The following NKAIN2 variants were observed in gnomAD, a reference collection of about 807,000 sequenced individuals.
The protein encoded by NKAIN2 is sodium/potassium-transporting ATPase subunit beta-1-interacting protein 2.
NKAIN2 carries 14 observed loss-of-function variants against 32.6 expected under a neutral mutation model. The ratio of observed to expected loss-of-function variants is 0.43; its 90% confidence interval spans 0.28 to 0.67. The LOEUF (loss-of-function observed/expected upper bound fraction) is 0.67. NKAIN2 is among the 30% of genes least tolerant of loss of function. The probability of loss-of-function intolerance (pLI) is 0.17; values close to 1 mark genes in which losing one functional copy is unlikely to be tolerated. For synonymous variants in NKAIN2, 80 were observed against 87.2 expected (o/e 0.92, Z 0.46); for missense variants, 198 against 258.3 (o/e 0.77, Z 1.60).
chr6:123,936,750 C>T (rs1338144694), intron 1 of NKAIN2, among the ~76,000 whole-genome samples: 1 of 151,994 alleles, frequency 6.6e-6, no homozygotes, highest in Non-Finnish European at 1.5e-5. Flanking sequence ...TATGATTTAC[C>T]TCCACAAATT....
intron 2 of NKAIN2, among the ~76,000 whole-genome samples, chr6:124,334,879 T>A (rs912398981): frequency 6.6e-6 from 1 of 152,224 alleles, no homozygotes; most frequent in African/African-American, 2.4e-5. Flanking sequence ...CAAAGTTAGT[T>A]GAGCCCACGC....
intron 1 of NKAIN2, among the ~76,000 whole-genome samples, chr6:124,150,893 GA>G (rs1787682273): frequency 6.6e-6 from 1 of 152,070 alleles, no homozygotes; most frequent in African/African-American, 2.4e-5. Flanking sequence ...ATATTTGTCT[GA>G]ATATATGTAT....
At chr6:124,240,242 G>A (rs530464294) in intron 1 of NKAIN2, among the ~76,000 whole-genome samples, 19 of 152,226 alleles carry the variant, frequency 1.2e-4, no homozygotes, top group African/African-American at 4.1e-4. Context: ...CTAAAATTGA[G>A]GCAGTAATTA....
intron 1 of NKAIN2, among the ~76,000 whole-genome samples, chr6:124,024,144 A>G (rs537008939): frequency 3.5e-4 from 53 of 152,156 alleles, no homozygotes; most frequent in Non-Finnish European, 6.0e-4. Flanking sequence ...TGTACAAGAA[A>G]AAAGAAATAA....
chr6:124,182,010 A>G (rs997316023), intron 1 of NKAIN2, among the ~76,000 whole-genome samples: 2 of 152,326 alleles, frequency 1.3e-5, no homozygotes, highest in South Asian at 2.1e-4. Context: ...AAAGACATAC[A>G]TGAGAGTGGG....
At chr6:123,909,729 C>T (rs1486217145) in intron 1 of NKAIN2, among the ~76,000 whole-genome samples, 1 of 152,106 alleles carries the variant, frequency 6.6e-6, no homozygotes, top group Non-Finnish European at 1.5e-5. Context: ...GAAATATGAA[C>T]AGGACTTTTA....
At chr6:124,558,177 AAGGCC>A (rs1780548140) in intron 3 of NKAIN2, among the ~76,000 whole-genome samples, 1 of 152,220 alleles carries the variant, frequency 6.6e-6, no homozygotes, top group Admixed American at 6.5e-5. Context: ...TTATTTTAAA[AAGGCC>A]AGACAGAATG....
In NKAIN2 at chr6:123,998,743, CTGTGTG is replaced by C. The variant is rs34410164; in HGVS notation, c.54+194518_54+194523del. On this transcript the variant is annotated intron_variant, in intron 1 of 6. Transcript: ENST00000368417. ...GAAATTGTTGTTTCTCTCTCTCTCT[CTGTGTG>C]TGTGTGTGTGTGTGTGTGTGTGTGT... Among the ~76,000 whole-genome samples the C allele has an allele frequency of 4.8e-3, 650 of 134,232 alleles. 2 individuals carry two copies. Among genetic ancestry groups the C allele is most frequent in the Non-Finnish European group, 7.9e-3 (506 of 63,974 alleles). The allele number at this position is 134,232 out of a possible 152,430, so 88.1% of individuals were successfully genotyped here. A position where few individuals can be genotyped will look rare whatever the true frequency, so the allele number is the denominator to read the frequency against.
intron 4 of NKAIN2, among the ~76,000 whole-genome samples, chr6:124,786,181 C>A (rs551882418): frequency 9.9e-5 from 15 of 152,138 alleles, no homozygotes; most frequent in Admixed American, 5.2e-4. Flanking sequence ...TCTTCAGCTC[C>A]AAGTAAGTCT....
At chr6:124,418,729 T>C (rs994833237) in intron 3 of NKAIN2, among the ~76,000 whole-genome samples, 3 of 151,512 alleles carry the variant, frequency 2.0e-5, no homozygotes, top group South Asian at 2.1e-4. Flanking sequence ...TAATGAGGTA[T>C]TGTGTTTCTT....
intron 4 of NKAIN2, among the ~76,000 whole-genome samples, chr6:124,763,719 G>A (rs1317115971): frequency 6.6e-6 from 1 of 152,050 alleles, no homozygotes; most frequent in African/African-American, 2.4e-5. Context: ...AGTATATAAG[G>A]TAATAAATAT....
intron 1 of NKAIN2, among the ~76,000 whole-genome samples, chr6:123,869,609 A>G (rs1772762643): frequency 6.6e-6 from 1 of 152,238 alleles, no homozygotes; most frequent in Non-Finnish European, 1.5e-5. Flanking sequence ...AAGTCATTCA[A>G]TTGGATTCAT....
intron 1 of NKAIN2, among the ~76,000 whole-genome samples, chr6:124,226,825 T>G (rs1792137859): frequency 6.6e-6 from 1 of 152,116 alleles, no homozygotes; most frequent in East Asian, 1.9e-4. Flanking sequence ...AGGAGGTGTT[T>G]AGGGAAGTAT....
At chr6:124,786,318 G>T (rs1375724515) in intron 4 of NKAIN2, among the ~76,000 whole-genome samples, 2 of 152,062 alleles carry the variant, frequency 1.3e-5, no homozygotes, top group Admixed American at 6.6e-5. Flanking sequence ...AGAGTTTTTA[G>T]TTATACTTAA....
chr6:124,730,819 A>T (rs1583749276), intron 4 of NKAIN2, among the ~76,000 whole-genome samples: 1 of 151,406 alleles, frequency 6.6e-6, no homozygotes, highest in Non-Finnish European at 1.5e-5. Flanking sequence ...CATCTGACAA[A>T]GGGCTAATAT....
At chr6:124,701,153 G>GCACA (rs60670238) in intron 4 of NKAIN2, among the ~76,000 whole-genome samples, 2,239 of 132,008 alleles carry the variant, frequency 0.017, 22 homozygotes, top group African/African-American at 0.031. Flanking sequence ...ACACACACAC[G>GCACA]CACACACACA....
intron 1 of NKAIN2, among the ~76,000 whole-genome samples, chr6:123,882,966 T>G (rs73551345): frequency 0.026 from 3,871 of 149,526 alleles, 168 homozygotes; most frequent in African/African-American, 0.088. Context: ...TGGTCTGGGG[T>G]GTGTGTGTGT....
At chr6:123,966,287 C>A (rs1377077178) in intron 1 of NKAIN2, among the ~76,000 whole-genome samples, 1 of 152,170 alleles carries the variant, frequency 6.6e-6, no homozygotes, top group Non-Finnish European at 1.5e-5. Context: ...CTTCTGTCAA[C>A]CTTGCCTTCC....
At chr6:124,339,107 C>T (rs1798004115) in intron 2 of NKAIN2, among the ~76,000 whole-genome samples, 1 of 152,086 alleles carries the variant, frequency 6.6e-6, no homozygotes, top group Admixed American at 6.6e-5. Flanking sequence ...TTGTGGGAGG[C>T]CAAGGCGGGC....
Sources: gnomAD v4.1 joint callset for allele counts (sites outside exome capture counted in the v4.1 genomes callset) on GRCh38, gnomAD v4.1.1 for gene constraint, MANE v1.5 for transcripts, NCBI Gene and HGNC (gene_info 2026-07-23, HGNC 2026-07-21) for gene names.